Variants in TRIM38 observed in about 807,000 individuals in gnomAD.
TRIM38 encodes the protein tripartite motif containing 38, also known as E3 ubiquitin-protein ligase TRIM38.
In TRIM38, 35 loss-of-function variants were observed where a neutral mutation model predicts 35.8. The ratio of observed to expected loss-of-function variants is 0.98; its 90% CI spans 0.75 to 1.30. The LOEUF (loss-of-function observed/expected upper bound fraction) is 1.30. Among genes scored for constraint, TRIM38 ranks in the 50% most tolerant of loss-of-function variants. The pLI, the probability that TRIM38 is intolerant of heterozygous loss-of-function variation, is 0.00. For missense variants in TRIM38, 545 were observed against 556.9 expected (o/e 0.98, Z 0.21); for synonymous variants, 198 against 204.7 (o/e 0.97, Z 0.28).
intron 2 of TRIM38, among the ~76,000 whole-genome samples, chr6:25,964,108 T>C (rs1483158325): frequency 1.3e-5 from 2 of 152,044 alleles, no homozygotes; most frequent in Admixed American, 6.5e-5. Context: ...GGCAGGCTAA[T>C]TGGAGAAAAG....
At chr6:25,963,806 C>T (rs1010326104) in intron 2 of TRIM38, among the ~76,000 whole-genome samples, 3 of 152,250 alleles carry the variant, frequency 2.0e-5, no homozygotes, top group East Asian at 1.9e-4. Flanking sequence ...TCTAGCAAGA[C>T]GTTATTAGCC....
Position 25,969,342 on chromosome 6 carries a change from T to C in TRIM38, c.429T>C (p.Ala143=), listed in dbSNP as rs1760157188. The C allele has an allele frequency of 6.2e-7, 1 of 1,612,860 alleles. No individual in the cohort carries two copies. The highest frequency in any genetic ancestry group is 8.5e-7 in the Non-Finnish European group (1 of 1,179,440). ...TCCTTCAGGAAAAGCTCCAGAAAGC[T>C]GTGACAAAACTGAAGCAACTTGAAG... ...CQGYKEKLQK[A]VTKLKQLEDR... Residue 143 remains alanine (A), a synonymous_variant, in exon 4 of 8, where the codon GCT becomes GCC. Transcript: ENST00000357085.
At chr6:25,980,280 A>G (rs1376727626) in intron 7 of TRIM38, among the ~76,000 whole-genome samples, 1 of 152,172 alleles carries the variant, frequency 6.6e-6, no homozygotes, top group Admixed American at 6.5e-5. Flanking sequence ...TCCCATGATG[A>G]TTGTAGATTT....
intron 7 of TRIM38, among the ~76,000 whole-genome samples, chr6:25,976,098 C>G (rs1227332366): frequency 2.0e-5 from 3 of 152,264 alleles, no homozygotes; most frequent in Non-Finnish European, 4.4e-5. Context: ...TGTTTTATAT[C>G]ACAGTCCTCT....
chr6:25,972,361 TG>T (rs1033552833), intron 5 of TRIM38, among the ~76,000 whole-genome samples: 6 of 152,172 alleles, frequency 3.9e-5, no homozygotes, highest in African/African-American at 1.4e-4. Context: ...GAACCCTGGT[TG>T]TTGACTCTCT....
intron 2 of TRIM38, among the ~76,000 whole-genome samples, chr6:25,963,926 C>T (rs1018106839): frequency 2.8e-4 from 42 of 152,038 alleles, no homozygotes; most frequent in Admixed American, 9.8e-4. Flanking sequence ...ACAACAACAA[C>T]AAAAACACAA....
At chr6:25,964,001 C>T (rs1312017344) in intron 2 of TRIM38, among the ~76,000 whole-genome samples, 5 of 151,868 alleles carry the variant, frequency 3.3e-5, no homozygotes, top group Non-Finnish European at 5.9e-5. Context: ...TGGGGGGGGT[C>T]GAGGTGGAGT....
rs1422118117 is a variant in TRIM38 at position 25,966,457 on chromosome 6, G to C, written c.-66G>C. ...TGCAGGTGAGGTGTATTTTCATCACGGTGGAAAATTCTGGCTGCTTCATCT... is the reference window on the plus strand; with the variant it reads ...TGCAGGTGAGGTGTATTTTCATCACCGTGGAAAATTCTGGCTGCTTCATCT... On this transcript the variant is annotated 5_prime_UTR_variant, in exon 3 of 8. Coordinates refer to ENST00000357085, the MANE Select transcript of TRIM38 (RefSeq NM_006355.5). 6.7e-7 allele frequency: 1 copy of C among 1,488,314 alleles called. No homozygotes were observed. Among genetic ancestry groups the C allele is most frequent in the Non-Finnish European group, 8.9e-7 (1 of 1,118,156 alleles). The allele number at this position is 1,488,314 out of a possible 1,614,324, so 92.2% of individuals were successfully genotyped here.
At position 25,983,892 on chromosome 6, in the gene TRIM38, G is replaced by A. The variant is rs1760641442; in HGVS notation, c.*205G>A. On this transcript the variant is annotated 3_prime_UTR_variant, in exon 8 of 8. Coordinates refer to ENST00000357085, the MANE Select transcript of TRIM38 (RefSeq NM_006355.5). ...CCACAGATGGTTAACCTGGACTGGG[G>A]CAAAGCAAGATAATAGTGATGATCG... is the stretch of plus-strand genomic sequence containing the variant. 5.7e-6 allele frequency: 3 copies of A among 528,938 alleles called. No homozygotes were observed. The highest frequency in any genetic ancestry group is 5.7e-5 in the South Asian group (2 of 35,368). 32.8% of individuals were successfully genotyped at this position (528,938 alleles called of 1,614,324 possible).
chr6:25,968,589 G>C (rs1163888711), intron 3 of TRIM38, among the ~76,000 whole-genome samples: 1 of 152,060 alleles, frequency 6.6e-6, no homozygotes, highest in Non-Finnish European at 1.5e-5. Context: ...GAGAACACTC[G>C]AGAATGAATG....
intron 7 of TRIM38, chr6:25,974,835 T>C: frequency 3.2e-6 from 3 of 938,930 alleles, no homozygotes; most frequent in Non-Finnish European, 3.8e-6. Flanking sequence ...TAGACCTGTG[T>C]TCCCCTCAAA....
In TRIM38 at chr6:25,972,013, G is replaced by T; in HGVS notation, c.652G>T (p.Gly218Cys). The T allele has an allele frequency of 6.2e-7, 1 of 1,614,112 alleles. No individual in the cohort carries two copies. The highest frequency in any genetic ancestry group is 8.5e-7 in the Non-Finnish European group (1 of 1,180,018). Residue 218 changes from glycine to cysteine, a missense_variant, in exon 5 of 8, where the codon GGT (glycine) becomes TGT (cysteine). By Grantham distance (159) the Gly-to-Cys change is radical. Coordinates refer to ENST00000357085, the MANE Select transcript of TRIM38 (RefSeq NM_006355.5). ...TLSRLRDYEA[G>C]LGLKSNELKS... ...GAGTAGACTGAGGGACTATGAGGCT[G>T]GTCTGGGGCTGAAGAGCAATGAACT...
chr6:25,981,548 C>T (rs1760546279), intron 7 of TRIM38, among the ~76,000 whole-genome samples: 2 of 152,182 alleles, frequency 1.3e-5, no homozygotes, highest in Admixed American at 6.5e-5. Flanking sequence ...CAGTATCTCA[C>T]TTTAGGTTAT....
Position 25,966,390 on chromosome 6 carries a change from A to G in TRIM38, c.-133A>G. On this transcript the variant is annotated 5_prime_UTR_variant, in exon 3 of 8. Coordinates refer to ENST00000357085, the MANE Select transcript of TRIM38 (RefSeq NM_006355.5). ...ATAGGGGTTGGAAGGAAAACCTTCA[A>G]GACCTATGGAAGTCAGTTGCAGCCA... 1 of 907,518 alleles carries G rather than the reference A, an allele frequency of 1.1e-6. No homozygotes were observed. Among genetic ancestry groups the G allele is most frequent in the Non-Finnish European group, 1.6e-6 (1 of 626,950 alleles). The allele number at this position is 907,518 out of a possible 1,614,324, so 56.2% of individuals were successfully genotyped here.
intron 6 of TRIM38, 36 bp downstream of exon 6, chr6:25,973,112 G>A: frequency 3.1e-6 from 5 of 1,614,122 alleles, no homozygotes; most frequent in Non-Finnish European, 4.2e-6. Flanking sequence ...GGAGGGGTGT[G>A]CGTATATAGA....
At chr6:25,974,411 A>T (rs1031220134) in intron 7 of TRIM38, among the ~76,000 whole-genome samples, 1 of 152,224 alleles carries the variant, frequency 6.6e-6, no homozygotes, top group Non-Finnish European at 1.5e-5. Context: ...TCTGCCAGCA[A>T]GATGGAGTCT....
In TRIM38 at chr6:25,966,699, T is replaced by A. The variant is rs756633394; in HGVS notation, c.177T>A (p.Cys59Ter). 6.2e-6 allele frequency: 10 copies of A among 1,613,978 alleles called. No individual in the cohort carries two copies. The East Asian group carries it at 2.0e-4, about 32-fold the overall frequency. Reference protein sequence around the residue: ...QKQLRQETFCCPQCRAPFHMD... With the variant: ...QKQLRQETFC Reference sequence around the variant, plus strand: ...AACTGAGGCAGGAGACATTCTGCTGTCCCCAGTGTCGGGCTCCATTTCATA... The same window carrying A: ...AACTGAGGCAGGAGACATTCTGCTGACCCCAGTGTCGGGCTCCATTTCATA... The change falls in exon 3 of 8, where the codon TGT (cysteine) becomes TGA (stop). Residue 59 changes from cysteine to a stop codon, truncating the protein, a stop_gained. Coordinates refer to ENST00000357085, the MANE Select transcript of TRIM38 (RefSeq NM_006355.5). LOFTEE classifies it high-confidence loss of function.
rs1254792103 is a variant in TRIM38, at chr6:25,989,507, A to ATTTTTTTTTTTTTTTTTTTTTTT, written c.*5822_*5823insTTTTTTTTTTTTTTTTTTTTTTT. ...TTTGCTATTGTTAGCAAGGTCTTGTATTCTTTTTTTTTTTTTTTTTTTTTT... is the reference window on the plus strand; with the variant it reads ...TTTGCTATTGTTAGCAAGGTCTTGTATTTTTTTTTTTTTTTTTTTTTTTTTCTTTTTTTTTTTTTTTTTTTTTT... On this transcript the variant is annotated 3_prime_UTR_variant, in exon 8 of 8. Coordinates refer to ENST00000357085, the MANE Select transcript of TRIM38 (RefSeq NM_006355.5). 9.1e-6 allele frequency: 1 copy of ATTTTTTTTTTTTTTTTTTTTTTT among 109,938 alleles called. No homozygotes were observed. The allele number at this position is 109,938 out of a possible 1,614,324, so 6.8% of individuals were successfully genotyped here.
rs1357856898 is a variant in TRIM38 at position 25,985,185 on chromosome 6, A to ATATGAAAT, written c.*1500_*1507dup. The ATATGAAAT allele has an allele frequency of 1.3e-5, 2 of 152,042 alleles. No individual in the cohort carries two copies. The highest frequency in any genetic ancestry group is 2.9e-5 in the Non-Finnish European group (2 of 68,028). 9.4% of individuals were successfully genotyped at this position (152,042 alleles called of 1,614,324 possible). On this transcript the variant is annotated 3_prime_UTR_variant, in exon 8 of 8. Coordinates refer to ENST00000357085, the MANE Select transcript of TRIM38 (RefSeq NM_006355.5). ...CTCTCCCTATTTGCCTAAAAGCAGG[A>ATATGAAAT]TATGAAATTGTGAAGGTGTCTTCTT...
Sources: gnomAD v4.1 joint callset for allele counts (sites outside exome capture counted in the v4.1 genomes callset) on GRCh38, gnomAD v4.1.1 for gene constraint, MANE v1.5 for transcripts, NCBI Gene and HGNC (gene_info 2026-07-23, HGNC 2026-07-21) for gene names.